Variants in ABAT observed in about 807,000 individuals in gnomAD.
ABAT encodes 4-aminobutyrate aminotransferase.
A neutral mutation model predicts 64.6 loss-of-function variants in ABAT; 45 were observed. That is an observed-to-expected ratio of 0.70 (90% confidence interval 0.55 to 0.89). ABAT has a LOEUF of 0.89. ABAT is among the 40% of genes least tolerant of loss of function. The pLI is 0.00. For missense variants in ABAT, 633 were observed against 658.4 expected, an observed-to-expected ratio of 0.96 and a Z score of 0.42; for synonymous variants, 297 against 250.5, an observed-to-expected ratio of 1.19 and a Z score of -1.75.
chr16:8,775,439 A>T (rs2060239337), intron 13 of ABAT, among the ~76,000 whole-genome samples: 1 of 152,212 alleles, frequency 6.6e-6, no homozygotes. Context: ...ATGAGGAATC[A>T]GGCACAGAGA....
Position 8,741,942 on chromosome 16 carries a change from T to G in ABAT, c.71-4059T>G, listed in dbSNP as rs116609334. The stretch of plus-strand genomic sequence containing the variant: ...GTGGATTACTTAAAATAGATGGAAG[T>G]TTGCCTAAATAGGGCCAGCCTAGCA... On this transcript the variant is annotated intron_variant, in intron 2 of 15. Coordinates refer to ENST00000268251, the MANE Select transcript of ABAT (RefSeq NM_020686.6). Among the ~76,000 whole-genome samples, 585 of 152,342 alleles carry G rather than the reference T, an allele frequency of 3.8e-3. 6 individuals carry two copies. Among genetic ancestry groups the G allele is most frequent in the African/African-American group, 0.014 (566 of 41,574 alleles).
chr16:8,683,209 A>G (rs1428398778), intron 1 of ABAT: 1 of 152,056 alleles, frequency 6.6e-6, no homozygotes, highest in African/African-American at 2.4e-5. Context: ...ATCACTCTCC[A>G]CTCCTTAAAG....
Position 8,742,380 on chromosome 16 carries a change from C to T in ABAT, c.71-3621C>T, listed in dbSNP as rs574581693. On this transcript the variant is annotated intron_variant, in intron 2 of 15. Transcript: ENST00000268251. Reference sequence around the variant, plus strand: ...ACTTTCTGGAGAAAAGAAAGGAGGACGCGTGTGTCCTCATTTAAGAACAGC... The same window carrying T: ...ACTTTCTGGAGAAAAGAAAGGAGGATGCGTGTGTCCTCATTTAAGAACAGC... Among the ~76,000 whole-genome samples the T allele has an allele frequency of 8.5e-5, 13 of 152,276 alleles. No homozygotes were observed. In the South Asian group the frequency reaches 2.5e-3, roughly 29 times the overall value.
At chr16:8,725,340 C>T (rs932943289) in intron 1 of ABAT, among the ~76,000 whole-genome samples, 5 of 152,152 alleles carry the variant, frequency 3.3e-5, no homozygotes, top group African/African-American at 4.8e-5. Flanking sequence ...TTCATCACCC[C>T]GGAGACCCCC....
intron 6 of ABAT, among the ~76,000 whole-genome samples, chr16:8,761,995 C>A (rs985068914): frequency 1.4e-5 from 2 of 147,080 alleles, no homozygotes; most frequent in Non-Finnish European, 1.5e-5. Context: ...CCTTCTCCTT[C>A]TCCTTCTTCT....
At chr16:8,715,645 A>AC (rs2058195118) in intron 1 of ABAT, 1 of 143,356 alleles carries the variant, frequency 7.0e-6, no homozygotes. Flanking sequence ...AAAAAAAAAA[A>AC]AAAAAAAAAA....
At chr16:8,705,372 A>G (rs528551478) in intron 1 of ABAT, 3 of 152,058 alleles carry the variant, frequency 2.0e-5, no homozygotes, top group Non-Finnish European at 4.4e-5. Flanking sequence ...TGATCCAGTC[A>G]CCTCCCACCA....
At chr16:8,692,020 G>T (rs938910449) in intron 1 of ABAT, among the ~76,000 whole-genome samples, 12 of 152,282 alleles carry the variant, frequency 7.9e-5, no homozygotes, top group African/African-American at 1.4e-4. Flanking sequence ...CCTGGTGACT[G>T]GTTCTTATCG....
rs1436635665 is a variant in ABAT, at chr16:8,776,833, C to T, written c.1269+343C>T. Among the ~76,000 whole-genome samples the T allele has an allele frequency of 6.6e-6, 1 of 152,202 alleles. No individual in the cohort carries two copies. The highest frequency in any genetic ancestry group is 1.5e-5 in the Non-Finnish European group (1 of 68,050). On this transcript the variant is annotated intron_variant, in intron 14 of 15. Transcript: ENST00000268251. The surrounding 1 kb of genome is among the most constrained non-coding windows in gnomAD (Gnocchi z 4.4). ...GCCTCAAACGATCCTTCCACCTCAG[C>T]CTCCCAAAGTGCTGGGCAGCGCCTG...
At position 8,759,904 on chromosome 16, in the gene ABAT, G is replaced by A. The variant is rs913186264; in HGVS notation, c.366+2098G>A. Among the ~76,000 whole-genome samples, 6 of 152,174 alleles carry A rather than the reference G, an allele frequency of 3.9e-5. No homozygotes were observed. The East Asian group carries it at 7.7e-4, about 20-fold the overall frequency. ...GTTTTGCAGTGTGTATCTTTACCTC[G>A]TCTGGCTTATTTCATTCAAAATTAC... On this transcript the variant is annotated intron_variant, in intron 6 of 15. Coordinates refer to ENST00000268251, the MANE Select transcript of ABAT (RefSeq NM_020686.6).
intron 1 of ABAT, among the ~76,000 whole-genome samples, chr16:8,691,191 C>G (rs1031918553): frequency 6.6e-6 from 1 of 152,192 alleles, no homozygotes; most frequent in African/African-American, 2.4e-5. Context: ...TGGTAATATA[C>G]TGTGTACTAT....
In ABAT at chr16:8,748,100, G is replaced by C. The variant is rs2059383863; in HGVS notation, c.169-8G>C. On this transcript the variant is annotated splice_polypyrimidine_tract_variant and splice_region_variant and intron_variant, in intron 3 of 15. Transcript: ENST00000268251. ...TTGCTATAATGCTTTTGTTGTTCTTGCCTGCAGGAGTTAATGAAACAGCTG... is the reference window on the plus strand; with the variant it reads ...TTGCTATAATGCTTTTGTTGTTCTTCCCTGCAGGAGTTAATGAAACAGCTG... 4 of 1,613,336 alleles carry C rather than the reference G, an allele frequency of 2.5e-6. No individual in the cohort carries two copies. The highest frequency in any genetic ancestry group is 3.4e-6 in the Non-Finnish European group (4 of 1,179,464).
chr16:8,724,731 G>GAAAAAAAAAAA, intron 1 of ABAT, among the ~76,000 whole-genome samples: 1 of 73,192 alleles, frequency 1.4e-5, no homozygotes, highest in Non-Finnish European at 2.7e-5. Context: ...CTTGTCTCAG[G>GAAAAAAAAAAA]AAAAAAAAAA....
chr16:8,722,867 G>T (rs1346136036), intron 1 of ABAT: 2 of 1,289,026 alleles, frequency 1.6e-6, no homozygotes, highest in East Asian at 1.1e-4. Flanking sequence ...TGGGGAAAAT[G>T]CTGTGGCAAA....
At chr16:8,725,714 G>T (rs1483658387) in intron 1 of ABAT, among the ~76,000 whole-genome samples, 4 of 152,164 alleles carry the variant, frequency 2.6e-5, no homozygotes, top group African/African-American at 9.7e-5. Context: ...TCTTTGGGTT[G>T]ATGCAAAGGT....
At chr16:8,715,251 T>A (rs2058180740) in intron 1 of ABAT, 2 of 152,122 alleles carry the variant, frequency 1.3e-5, no homozygotes, top group Non-Finnish European at 1.5e-5. Context: ...GGTTCCAGGT[T>A]AAAAGAGATT....
intron 6 of ABAT, among the ~76,000 whole-genome samples, chr16:8,763,408 G>A (rs924045012): frequency 3.3e-5 from 5 of 152,200 alleles, no homozygotes; most frequent in Admixed American, 2.0e-4. Context: ...GAATCTGCCA[G>A]TTTCTAGCAG....
intron 1 of ABAT, among the ~76,000 whole-genome samples, chr16:8,703,601 A>G (rs182156457): frequency 1.6e-4 from 24 of 152,336 alleles, no homozygotes; most frequent in African/African-American, 5.5e-4. Flanking sequence ...TGTGTTGCTG[A>G]CATGTTAGCA....
intron 5 of ABAT, among the ~76,000 whole-genome samples, chr16:8,754,174 G>T: frequency 6.5e-5 from 2 of 30,842 alleles, no homozygotes; most frequent in African/African-American, 9.2e-5. Context: ...TTGAAACCCT[G>T]TCTATAAAAA....
Sources: allele counts gnomAD v4.1 joint callset (sites outside exome capture counted in the v4.1 genomes callset), GRCh38; gene constraint gnomAD v4.1.1; non-coding constraint Gnocchi (gnomAD v3.1); transcripts MANE v1.5; gene names NCBI Gene and HGNC (gene_info 2026-07-23, HGNC 2026-07-21).